The following RCSD1 variants were observed in gnomAD, a reference collection of about 807,000 sequenced individuals.
RCSD1 encodes RCSD domain containing 1.
A neutral mutation model predicts 42.5 loss-of-function variants in RCSD1; 26 were observed. The ratio of observed to expected loss-of-function variants is 0.61; its 90% CI spans 0.45 to 0.85. RCSD1 has a LOEUF of 0.85. RCSD1 is among the 40% of genes least tolerant of loss of function. The probability of loss-of-function intolerance (pLI) is 0.00; values close to 1 mark genes in which losing one functional copy is unlikely to be tolerated. For missense variants in RCSD1, 571 were observed against 528.3 expected (o/e 1.08, Z -0.79); for synonymous variants, 220 against 212.2 (o/e 1.04, Z -0.32).
intron 1 of RCSD1, among the ~76,000 whole-genome samples, chr1:167,652,592 T>C (rs1278159584): frequency 2.0e-5 from 3 of 152,230 alleles, no homozygotes; most frequent in African/African-American, 4.8e-5. Context: ...TACAAGAAAG[T>C]CAAACAACTT....
chr1:167,635,132 T>A (rs1446850241), intron 1 of RCSD1, among the ~76,000 whole-genome samples: 1 of 152,172 alleles, frequency 6.6e-6, no homozygotes, highest in Non-Finnish European at 1.5e-5. Context: ...TATTTTGATA[T>A]TTCACCGTGA....
chr1:167,649,040 A>G (rs904418704), intron 1 of RCSD1, among the ~76,000 whole-genome samples: 1 of 152,166 alleles, frequency 6.6e-6, no homozygotes. Flanking sequence ...CAGTTTGGTT[A>G]AGTATTCTAA....
Position 167,697,677 on chromosome 1 carries a change from T to TC in RCSD1, c.1058dup (p.Gly354TrpfsTer42). ...CTGCAGTGAAGGAGACCCCCCACAG[T>TC]CCCCCTGGAGGAGTGAAGGGCGGAG... is the stretch of plus-strand genomic sequence containing the variant. On this transcript the variant is annotated frameshift_variant, in exon 6 of 7. Coordinates refer to ENST00000367854, the MANE Select transcript of RCSD1 (RefSeq NM_052862.4). LOFTEE classifies it high-confidence loss of function. 2 of 1,603,520 alleles carry TC rather than the reference T, an allele frequency of 1.2e-6. No individual in the cohort carries two copies. Among genetic ancestry groups the TC allele is most frequent in the Non-Finnish European group, 1.7e-6 (2 of 1,175,602 alleles).
At chr1:167,686,469 C>A (rs968760392) in intron 3 of RCSD1, among the ~76,000 whole-genome samples, 1 of 152,134 alleles carries the variant, frequency 6.6e-6, no homozygotes, top group East Asian at 1.9e-4. Flanking sequence ...TTTTTGTCAA[C>A]CTAAGGCTTA....
chr1:167,648,129 G>C (rs1359705780), intron 1 of RCSD1, among the ~76,000 whole-genome samples: 1 of 151,932 alleles, frequency 6.6e-6, no homozygotes, highest in African/African-American at 2.4e-5. Context: ...ATTATTTCCA[G>C]GTCAGTATTC....
chr1:167,678,179 T>TTTC (rs1429926151), intron 1 of RCSD1, among the ~76,000 whole-genome samples: 5 of 152,322 alleles, frequency 3.3e-5, no homozygotes, highest in Admixed American at 3.3e-4. Context: ...CTATTCTCTG[T>TTTC]TTCCTCTGAC....
At chr1:167,668,965 G>A (rs1342228346) in intron 1 of RCSD1, among the ~76,000 whole-genome samples, 2 of 152,186 alleles carry the variant, frequency 1.3e-5, no homozygotes. Context: ...AAACAGATTT[G>A]TGAATTCAGT....
chr1:167,683,625 C>T (rs901050489), intron 1 of RCSD1, among the ~76,000 whole-genome samples: 1 of 152,188 alleles, frequency 6.6e-6, no homozygotes, highest in Admixed American at 6.5e-5. Context: ...TGGACCTGTA[C>T]TGCCTCTGAC....
chr1:167,702,188 GC>G (rs774525428), intron 6 of RCSD1, among the ~76,000 whole-genome samples: 60 of 152,240 alleles, frequency 3.9e-4, no homozygotes, highest in Non-Finnish European at 6.6e-4. Flanking sequence ...CTAGAAGGGT[GC>G]TATGTGAAGC....
intron 1 of RCSD1, among the ~76,000 whole-genome samples, chr1:167,644,734 G>A (rs1658091636): frequency 6.6e-6 from 1 of 152,140 alleles, no homozygotes; most frequent in Admixed American, 6.5e-5. Context: ...CTGTGGGGAG[G>A]CCCCTGCCTA....
chr1:167,643,051 C>A (rs571532873), intron 1 of RCSD1, among the ~76,000 whole-genome samples: 1 of 152,190 alleles, frequency 6.6e-6, no homozygotes, highest in African/African-American at 2.4e-5. Flanking sequence ...CTCAGGATCC[C>A]GGTCAGTTCC....
chr1:167,673,260 C>T (rs1262712827), intron 1 of RCSD1, among the ~76,000 whole-genome samples: 1 of 152,240 alleles, frequency 6.6e-6, no homozygotes, highest in Non-Finnish European at 1.5e-5. Flanking sequence ...AAAAGAGTAG[C>T]AGCAGATTCC....
Position 167,634,002 on chromosome 1 carries a change from C to A in RCSD1, c.6+3573C>A, listed in dbSNP as rs557889545. 1.2e-4 allele frequency among the ~76,000 whole-genome samples: 18 copies of A among 152,286 alleles called. No homozygotes were observed. In the East Asian group the frequency reaches 3.3e-3, roughly 28 times the overall value. On this transcript the variant is annotated intron_variant, in intron 1 of 6. Coordinates refer to ENST00000367854, the MANE Select transcript of RCSD1 (RefSeq NM_052862.4). ...TTACAGCTCCATACAAAGCCTTTTG[C>A]AGGCAGATTTTCTCATTGGTCTTTG...
In RCSD1 at chr1:167,634,397, C is replaced by A. The variant is rs12404628; in HGVS notation, c.6+3968C>A. Among the ~76,000 whole-genome samples, 834 of 149,844 alleles carry A rather than the reference C, an allele frequency of 5.6e-3. 8 individuals are homozygous for A. The highest frequency in any genetic ancestry group is 0.024 in the South Asian group (114 of 4,760). ...GATCAGGGTTTTTTTTTTTAACAAG[C>A]AGTGTTTAGATATGTTGGTTTTGAT... On this transcript the variant is annotated intron_variant, in intron 1 of 6. Transcript: ENST00000367854.
At chr1:167,698,852 T>TTCA in intron 6 of RCSD1, among the ~76,000 whole-genome samples, 1 of 151,594 alleles carries the variant, frequency 6.6e-6, no homozygotes, top group Non-Finnish European at 1.5e-5. Context: ...CAGGCTGGAG[T>TTCA]GCAGTGGCGG....
At chr1:167,670,357 G>GAAAAAAAA (rs58634704) in intron 1 of RCSD1, among the ~76,000 whole-genome samples, 1 of 132,354 alleles carries the variant, frequency 7.6e-6, no homozygotes, top group Non-Finnish European at 1.6e-5. Flanking sequence ...CTTTGCAAAA[G>GAAAAAAAA]AAAAAAAAAA....
rs181650247 is a variant in RCSD1, at chr1:167,660,862, T to C, written c.7-23038T>C. Among the ~76,000 whole-genome samples the C allele has an allele frequency of 8.9e-4, 135 of 152,356 alleles. 3 individuals are homozygous for C. The highest frequency in any genetic ancestry group is 6.7e-3 in the Admixed American group (102 of 15,310). ...AATACAGAGGAACTTAATTTCTCTA[T>C]AAACTCCTCCCCACCACCAAATTGT... On this transcript the variant is annotated intron_variant, in intron 1 of 6. Coordinates refer to ENST00000367854, the MANE Select transcript of RCSD1 (RefSeq NM_052862.4).
chr1:167,656,996 C>A (rs1658439578), intron 1 of RCSD1, among the ~76,000 whole-genome samples: 1 of 152,178 alleles, frequency 6.6e-6, no homozygotes, highest in African/African-American at 2.4e-5. Flanking sequence ...TTTGAACCCA[C>A]CTTCACTATG....
intron 1 of RCSD1, among the ~76,000 whole-genome samples, chr1:167,643,144 T>C (rs939571109): frequency 1.3e-5 from 2 of 152,246 alleles, no homozygotes; most frequent in African/African-American, 4.8e-5. Context: ...GTAATAAATA[T>C]CTTATGAAAG....
Sources: gnomAD v4.1 joint callset for allele counts (sites outside exome capture counted in the v4.1 genomes callset) on GRCh38, gnomAD v4.1.1 for gene constraint, MANE v1.5 for transcripts, NCBI Gene and HGNC (gene_info 2026-07-23, HGNC 2026-07-21) for gene names.